Variants in BBS9 observed in about 807,000 individuals in gnomAD.
The protein encoded by BBS9 is protein PTHB1.
A neutral mutation model predicts 117.7 loss-of-function variants in BBS9; 89 were observed. That is an observed-to-expected ratio of 0.76 (90% CI 0.64 to 0.90). BBS9 has a LOEUF of 0.90. Ranked by LOEUF, BBS9 falls within the 40% of genes least tolerant of loss-of-function variation. The pLI is 0.00. For missense variants in BBS9, 982 were observed against 1,042.2 expected (o/e 0.94, Z 0.80); for synonymous variants, 379 against 370.9 (o/e 1.02, Z -0.25).
At position 33,152,419 on chromosome 7, in the gene BBS9, G is replaced by A. The variant is rs142575399; in HGVS notation, c.113-282G>A. 5.3e-3 allele frequency among the ~76,000 whole-genome samples: 811 copies of A among 152,172 alleles called. 10 individuals are homozygous for A. The highest frequency in any genetic ancestry group is 0.019 in the African/African-American group (773 of 41,502). ...TTTGATAAAGGGGCTTGCTTTGATT[G>A]AGTTAAATTATGACTTTGATACCAA... On this transcript the variant is annotated intron_variant, in intron 2 of 22. Transcript: ENST00000242067.
intron 19 of BBS9, among the ~76,000 whole-genome samples, chr7:33,464,763 A>G (rs923434192): frequency 6.6e-6 from 1 of 152,030 alleles, no homozygotes; most frequent in Admixed American, 6.6e-5. Flanking sequence ...AGTCTATTAC[A>G]TAACTATTAT....
At chr7:33,243,938 CTG>C (rs1034377133) in intron 5 of BBS9, among the ~76,000 whole-genome samples, 21 of 152,070 alleles carry the variant, frequency 1.4e-4, no homozygotes, top group African/African-American at 5.1e-4. Context: ...AATTTCCTGA[CTG>C]GGGCCAGGCG....
intron 1 of BBS9, among the ~76,000 whole-genome samples, chr7:33,142,596 C>T (rs1259729435): frequency 2.6e-5 from 4 of 152,186 alleles, no homozygotes; most frequent in Admixed American, 2.6e-4. Flanking sequence ...AACAGTTCTC[C>T]TTTCTCCCTA....
At chr7:33,265,929 A>G (rs1798742793) in intron 7 of BBS9, among the ~76,000 whole-genome samples, 1 of 152,084 alleles carries the variant, frequency 6.6e-6, no homozygotes, top group Non-Finnish European at 1.5e-5. Flanking sequence ...AGCACATAGC[A>G]AAATGTCTGG....
At chr7:33,574,718 C>T (rs1312517959) in intron 21 of BBS9, among the ~76,000 whole-genome samples, 4 of 147,564 alleles carry the variant, frequency 2.7e-5, no homozygotes, top group South Asian at 2.2e-4. Context: ...CACACACACA[C>T]ACACACACGC....
At chr7:33,510,257 C>G (rs141434645) in intron 20 of BBS9, among the ~76,000 whole-genome samples, 1 of 151,936 alleles carries the variant, frequency 6.6e-6, no homozygotes, top group Non-Finnish European at 1.5e-5. Context: ...GGAGATATTT[C>G]AGGGTATTTG....
chr7:33,364,670 C>A (rs1462155028), intron 16 of BBS9, among the ~76,000 whole-genome samples: 1 of 106,006 alleles, frequency 9.4e-6, no homozygotes, highest in Non-Finnish European at 1.9e-5. Flanking sequence ...CCCCTTCCCC[C>A]TCCCATCCTT....
At chr7:33,629,767 T>C (rs2129228267) in intron 21 of BBS9, among the ~76,000 whole-genome samples, 1 of 152,338 alleles carries the variant, frequency 6.6e-6, no homozygotes, top group South Asian at 2.1e-4. Context: ...ACGTTAAAAT[T>C]GCATTTCTGT....
chr7:33,226,399 A>G (rs1791280832), intron 5 of BBS9, among the ~76,000 whole-genome samples: 1 of 152,168 alleles, frequency 6.6e-6, no homozygotes, highest in Non-Finnish European at 1.5e-5. Flanking sequence ...TAAGTGTTAG[A>G]TAAGTGCTGC....
At chr7:33,492,811 AGT>A (rs57870306) in intron 19 of BBS9, among the ~76,000 whole-genome samples, 12,813 of 131,354 alleles carry the variant, frequency 0.098, 491 homozygotes, top group South Asian at 0.13. Flanking sequence ...TATAGGAGTG[AGT>A]GTGTGTGTGT....
intron 21 of BBS9, among the ~76,000 whole-genome samples, chr7:33,550,615 G>A (rs1372898363): frequency 1.3e-5 from 2 of 151,860 alleles, no homozygotes. Context: ...AATGAAGCCA[G>A]ATCTATGCTG....
chr7:33,189,103 C>T (rs1470944048), intron 5 of BBS9, among the ~76,000 whole-genome samples: 2 of 152,122 alleles, frequency 1.3e-5, no homozygotes, highest in South Asian at 2.1e-4. Flanking sequence ...TTACTGCAAC[C>T]TCTGCCTCCC....
chr7:33,199,292 A>C (rs1418854594), intron 5 of BBS9, among the ~76,000 whole-genome samples: 1 of 151,946 alleles, frequency 6.6e-6, no homozygotes, highest in Non-Finnish European at 1.5e-5. Flanking sequence ...AGTTTGACAA[A>C]TGATGTAGGT....
intron 21 of BBS9, among the ~76,000 whole-genome samples, chr7:33,633,529 T>G (rs1865996749): frequency 6.6e-6 from 1 of 150,636 alleles, no homozygotes; most frequent in Admixed American, 6.6e-5. Context: ...TTTTTTTTTT[T>G]TGAGATTTGA....
chr7:33,598,011 T>C (rs529525797), intron 21 of BBS9, among the ~76,000 whole-genome samples: 13 of 152,098 alleles, frequency 8.5e-5, no homozygotes, highest in South Asian at 2.1e-4. Context: ...TCTTTAAAGA[T>C]GGGGCAACTG....
intron 19 of BBS9, among the ~76,000 whole-genome samples, chr7:33,442,476 GA>G (rs1836354510): frequency 1.3e-5 from 2 of 152,162 alleles, no homozygotes; most frequent in Admixed American, 1.3e-4. Context: ...AAGTACTTTG[GA>G]AACATTTCAT....
At chr7:33,585,965 A>G (rs894784646) in intron 21 of BBS9, among the ~76,000 whole-genome samples, 1 of 152,136 alleles carries the variant, frequency 6.6e-6, no homozygotes, top group East Asian at 1.9e-4. Flanking sequence ...AAATCTTTTT[A>G]TCATTTATTA....
intron 21 of BBS9, among the ~76,000 whole-genome samples, chr7:33,600,048 A>AT (rs1298651120): frequency 6.6e-6 from 1 of 152,172 alleles, no homozygotes; most frequent in Non-Finnish European, 1.5e-5. Flanking sequence ...CTGGTATTTG[A>AT]ACCTTAGATA....
intron 17 of BBS9, among the ~76,000 whole-genome samples, chr7:33,382,459 CAA>C (rs113930733): frequency 0.099 from 12,138 of 122,620 alleles, 541 homozygotes; most frequent in East Asian, 0.36. Flanking sequence ...GACCCTGTCT[CAA>C]AAAAAAAAAA....
Sources: gnomAD v4.1 joint callset for allele counts (sites outside exome capture counted in the v4.1 genomes callset) on GRCh38, gnomAD v4.1.1 for gene constraint, MANE v1.5 for transcripts, NCBI Gene and HGNC (gene_info 2026-07-23, HGNC 2026-07-21) for gene names.